GRK7: variants seen among roughly 807,000 people sequenced by gnomAD.
GRK7 encodes the protein G protein-coupled receptor kinase 7.
GRK7 carries 24 observed loss-of-function variants against 34.1 expected under a neutral mutation model. The ratio of observed to expected loss-of-function variants is 0.70; its 90% CI spans 0.51 to 0.99. The LOEUF (loss-of-function observed/expected upper bound fraction) is 0.99. Ranked by LOEUF, GRK7 falls within the 50% of genes least tolerant of loss-of-function variation. GRK7 has a pLI of 0.00. For synonymous variants in GRK7, 256 were observed against 279.4 expected (o/e 0.92, Z 0.84); for missense variants, 644 against 707.3 (o/e 0.91, Z 1.02).
At chr3:141,789,665 A>AAAAAAC (rs2084714369) in intron 4 of GRK7, among the ~76,000 whole-genome samples, 1 of 151,912 alleles carries the variant, frequency 6.6e-6, no homozygotes, top group African/African-American at 2.4e-5. Context: ...GCAAAAAAAA[A>AAAAAAC]AAAAACACAA....
intron 4 of GRK7, among the ~76,000 whole-genome samples, 189 bp downstream of exon 4, chr3:141,781,000 G>A (rs1378477627): frequency 6.6e-6 from 1 of 152,144 alleles, no homozygotes; most frequent in African/African-American, 2.4e-5. Context: ...GCTATTTGAG[G>A]GCTACTTTGC....
chr3:141,752,953 C>G, the GRK7 span, among the ~76,000 whole-genome samples: 7 of 152,210 alleles, frequency 4.6e-5, no homozygotes, highest in African/African-American at 1.7e-4. Context: ...GCCATCAACC[C>G]TGCTGGCACC....
chr3:141,768,599 C>G (rs2084601167), intron 1 of GRK7, among the ~76,000 whole-genome samples: 1 of 152,100 alleles, frequency 6.6e-6, no homozygotes, highest in East Asian at 1.9e-4. Context: ...TTTTAACAAG[C>G]ACAAGACACT....
At chr3:141,775,789 CTG>C (rs934089054) in intron 2 of GRK7, among the ~76,000 whole-genome samples, 1 of 149,578 alleles carries the variant, frequency 6.7e-6, no homozygotes, top group Admixed American at 6.7e-5. Flanking sequence ...TTAATTTCGC[CTG>C]TTTTTTTTTT....
At chr3:141,753,909 A>G in the GRK7 span, among the ~76,000 whole-genome samples, 1 of 152,256 alleles carries the variant, frequency 6.6e-6, no homozygotes, top group African/African-American at 2.4e-5. Flanking sequence ...TTTGGTTCCA[A>G]GAACAGATAA....
At chr3:141,805,112 A>G (rs564748725) in intron 4 of GRK7, among the ~76,000 whole-genome samples, 2 of 152,092 alleles carry the variant, frequency 1.3e-5, no homozygotes, top group East Asian at 3.9e-4. Context: ...AATCACATAC[A>G]CACACAATCA....
chr3:141,788,663 C>T (rs952903006), intron 4 of GRK7, among the ~76,000 whole-genome samples: 9 of 152,108 alleles, frequency 5.9e-5, no homozygotes, highest in Admixed American at 1.3e-4. Flanking sequence ...GAGGCAGACA[C>T]GCAAGGAGAT....
At chr3:141,804,790 C>T (rs907983739) in intron 4 of GRK7, among the ~76,000 whole-genome samples, 15 of 150,530 alleles carry the variant, frequency 1.0e-4, no homozygotes, top group South Asian at 2.1e-4. Context: ...CTCACATACA[C>T]GCACACATAC....
chr3:141,791,897 G>T (rs977775593), intron 4 of GRK7, among the ~76,000 whole-genome samples: 1 of 150,960 alleles, frequency 6.6e-6, no homozygotes, highest in African/African-American at 2.4e-5. Context: ...CCAGCTACTT[G>T]GGAAGCTGAG....
In GRK7 at chr3:141,780,295, ACCT is replaced by A. The variant is rs555247174; in HGVS notation, c.613-72_613-70del. 8.2e-6 allele frequency: 10 copies of A among 1,218,368 alleles called. No individual in the cohort carries two copies. The Admixed American group carries it at 2.0e-4, about 25-fold the overall frequency. The allele number at this position is 1,218,368 out of a possible 1,614,324, so 75.5% of individuals were successfully genotyped here. A position where few individuals can be genotyped will look rare whatever the true frequency, so the allele number is the denominator to read the frequency against. ...TCCAATGCCTAACATCTTTCCACCC[ACCT>A]CCTCCTTTATCATCTCCACCTCTCT... On this transcript the variant is annotated intron_variant, in intron 3 of 5. Transcript: ENST00000682958.
intron 4 of GRK7, among the ~76,000 whole-genome samples, chr3:141,807,108 CAG>C (rs1449942770): frequency 1.3e-5 from 2 of 152,028 alleles, no homozygotes; most frequent in African/African-American, 2.4e-5. Context: ...TTATTCAGTG[CAG>C]AGACAGGCAG....
intron 4 of GRK7, 80 bp from the exon 5 acceptor site, chr3:141,807,565 T>A: frequency 1.6e-6 from 2 of 1,227,904 alleles, no homozygotes; most frequent in South Asian, 2.8e-5. Flanking sequence ...GTGTATTAGG[T>A]AGGCAGTCAG....
At chr3:141,794,162 G>C (rs750557636) in intron 4 of GRK7, among the ~76,000 whole-genome samples, 1 of 152,212 alleles carries the variant, frequency 6.6e-6, no homozygotes, top group African/African-American at 2.4e-5. Flanking sequence ...TGTGTGAGCT[G>C]AGGCTCCAAG....
intron 4 of GRK7, among the ~76,000 whole-genome samples, chr3:141,787,516 C>A (rs2084702613): frequency 6.6e-6 from 1 of 151,116 alleles, no homozygotes; most frequent in African/African-American, 2.4e-5. Context: ...CCCAGCTACT[C>A]AAGTGGCTGA....
In GRK7 at chr3:141,816,987, C is replaced by G; in HGVS notation, c.1599C>G (p.Pro533=). The change falls in exon 6 of 6, where the codon CCC becomes CCG. Residue 533 remains proline (P), a synonymous_variant. Transcript: ENST00000682958. ...ETGLFEELND[P]NRPTGCEEGN... ...GACTGTTTGAGGAACTGAATGACCCCAACAGACCTACGGGTTGTGAGGAGG... is the reference window on the plus strand; with the variant it reads ...GACTGTTTGAGGAACTGAATGACCCGAACAGACCTACGGGTTGTGAGGAGG... The G allele has an allele frequency of 6.2e-7, 1 of 1,613,718 alleles. No individual in the cohort carries two copies. Among genetic ancestry groups the G allele is most frequent in the East Asian group, 2.2e-5 (1 of 44,884 alleles).
intron 4 of GRK7, among the ~76,000 whole-genome samples, chr3:141,783,389 T>G (rs72982439): frequency 0.062 from 9,386 of 152,300 alleles, 955 homozygotes; most frequent in African/African-American, 0.21. Context: ...ACGTTGTAGA[T>G]GTGGAACTTG....
intron 4 of GRK7, among the ~76,000 whole-genome samples, chr3:141,781,195 C>T (rs9835566): frequency 0.47 from 71,312 of 151,826 alleles, 18,105 homozygotes; most frequent in Middle Eastern, 0.65. Context: ...AGGGGCTGGA[C>T]CCTAAAATTC....
In GRK7 at chr3:141,819,097, C is replaced by A. The variant is rs1711183752; in HGVS notation, c.*2047C>A. Among the ~76,000 whole-genome samples the A allele has an allele frequency of 6.6e-6, 1 of 151,876 alleles. No individual in the cohort carries two copies. Among genetic ancestry groups the A allele is most frequent in the Non-Finnish European group, 1.5e-5 (1 of 67,980 alleles). Reference sequence around the variant, plus strand: ...AATTAAAGTTTGGTTAAGTTTTGAACAAGTCCCTTTTAACAAAAAAACTGA... The same window carrying A: ...AATTAAAGTTTGGTTAAGTTTTGAAAAAGTCCCTTTTAACAAAAAAACTGA... On this transcript the variant is annotated 3_prime_UTR_variant, in exon 6 of 6. Transcript: ENST00000682958.
At chr3:141,815,826 G>C (rs1341753567) in intron 5 of GRK7, among the ~76,000 whole-genome samples, 1 of 151,866 alleles carries the variant, frequency 6.6e-6, no homozygotes, top group African/African-American at 2.4e-5. Flanking sequence ...ATAACCACAT[G>C]AGTGAGCTTG....
Sources: allele counts gnomAD v4.1 joint callset (sites outside exome capture counted in the v4.1 genomes callset), GRCh38; gene constraint gnomAD v4.1.1; transcripts MANE v1.5; gene names NCBI Gene and HGNC (gene_info 2026-07-23, HGNC 2026-07-21).